MYO10: variants seen among roughly 807,000 people sequenced by gnomAD.
MYO10 encodes the protein myosin X.
A neutral mutation model predicts 257.3 loss-of-function variants in MYO10; 133 were observed. The observed-to-expected ratio is 0.52, with a 90% CI of 0.45 to 0.60. The LOEUF is 0.60. Ranked by LOEUF, MYO10 falls within the 20% of genes least tolerant of loss-of-function variation. The pLI, the probability that MYO10 is intolerant of heterozygous loss-of-function variation, is 0.00. For missense variants in MYO10, 2,399 were observed against 2,635.7 expected (o/e 0.91, Z 1.97); for synonymous variants, 1,104 against 1,028.6 (o/e 1.07, Z -1.40).
At chr5:16,764,130 G>A in intron 12 of MYO10, 120 bp downstream of exon 12, 2 of 1,150,404 alleles carry the variant, frequency 1.7e-6, no homozygotes, top group South Asian at 1.5e-5. Context: ...CTGGGATACA[G>A]AGTGAGACTC....
intron 1 of MYO10, among the ~76,000 whole-genome samples, chr5:16,915,475 T>C (rs1163998567): frequency 6.6e-6 from 1 of 152,234 alleles, no homozygotes; most frequent in Admixed American, 6.5e-5. Flanking sequence ...TCGTACTTCC[T>C]TGGTGTCCTC....
intron 1 of MYO10, among the ~76,000 whole-genome samples, chr5:16,903,265 C>A (rs969247822): frequency 6.6e-6 from 1 of 152,162 alleles, no homozygotes; most frequent in East Asian, 1.9e-4. Context: ...ATTAGCTGGG[C>A]GTGGTAGCGC....
At chr5:16,748,476 C>T (rs1342763947) in intron 19 of MYO10, among the ~76,000 whole-genome samples, 2 of 151,598 alleles carry the variant, frequency 1.3e-5, no homozygotes, top group African/African-American at 2.4e-5. Flanking sequence ...AACTCCTGGC[C>T]TCAAGTGATC....
chr5:16,744,291 G>T (rs1213102808), intron 19 of MYO10, among the ~76,000 whole-genome samples: 1 of 152,168 alleles, frequency 6.6e-6, no homozygotes, highest in Non-Finnish European at 1.5e-5. Flanking sequence ...ATGTCCCCAT[G>T]ACCTCACTTA....
At chr5:16,691,988 G>A (rs1266159795) in intron 27 of MYO10, among the ~76,000 whole-genome samples, 2 of 152,300 alleles carry the variant, frequency 1.3e-5, no homozygotes, top group African/African-American at 4.8e-5. Flanking sequence ...AAGAAAGGCA[G>A]AGGGGCATCT....
intron 1 of MYO10, among the ~76,000 whole-genome samples, chr5:16,933,697 A>G (rs946665737): frequency 6.6e-6 from 1 of 152,222 alleles, no homozygotes; most frequent in African/African-American, 2.4e-5. Flanking sequence ...CCATTACAAG[A>G]CATGAGAGAG....
At chr5:16,688,299 C>G (rs908753107) in intron 28 of MYO10, among the ~76,000 whole-genome samples, 4 of 152,124 alleles carry the variant, frequency 2.6e-5, no homozygotes, top group Non-Finnish European at 5.9e-5. Flanking sequence ...TGTCTTTACC[C>G]TTAATGTTGC....
chr5:16,699,580 C>A lies in MYO10; in HGVS notation c.3433-7G>T, dbSNP rs548513090. ...CCTCTTCACTATCTTCAAACTGGACCGAGAGAGAGAAGCCAACGGTGAGGG... is the reference window on the plus strand; with the variant it reads ...CCTCTTCACTATCTTCAAACTGGACAGAGAGAGAGAAGCCAACGGTGAGGG... On this transcript the variant is annotated splice_polypyrimidine_tract_variant and splice_region_variant and intron_variant, in intron 25 of 40. Transcript: ENST00000513610. 9 of 1,612,942 alleles carry A rather than the reference C, an allele frequency of 5.6e-6. No individual in the cohort carries two copies. In the South Asian group the frequency reaches 9.9e-5, roughly 18 times the overall value.
At chr5:16,667,479 T>G (rs1736227726) in intron 40 of MYO10, among the ~76,000 whole-genome samples, 1 of 152,204 alleles carries the variant, frequency 6.6e-6, no homozygotes, top group African/African-American at 2.4e-5. Context: ...AATTCACTGT[T>G]ATGCCATGCA....
In MYO10 at chr5:16,701,221, C is replaced by G. The variant is rs1313422153; in HGVS notation, c.3174G>C (p.Gln1058His). Residue 1058 changes from glutamine to histidine, a missense_variant, in exon 25 of 41, where the codon CAG (glutamine) becomes CAC (histidine). Gln to His is a conservative substitution (Grantham distance 24). Transcript: ENST00000513610. The surrounding 1 kb of genome is among the most constrained non-coding windows in gnomAD (Gnocchi z 8.1). ...DSTVLLAPSVQDSGSLHNSSS... is the reference protein window; with the variant it reads ...DSTVLLAPSVHDSGSLHNSSS... ...AGGAGTTGTGTAGGCTCCCGGAGTC[C>G]TGCACTGATGGGGCGAGCAGCACCG... 7 of 1,612,302 alleles carry G rather than the reference C, an allele frequency of 4.3e-6. No homozygotes were observed. The highest frequency in any genetic ancestry group is 2.7e-5 in the African/African-American group (2 of 74,910).
intron 2 of MYO10, among the ~76,000 whole-genome samples, chr5:16,844,069 C>G (rs561528615): frequency 6.6e-6 from 1 of 152,356 alleles, no homozygotes; most frequent in South Asian, 2.1e-4. Context: ...CAGCTGCTGA[C>G]TAGCAACAAA....
At chr5:16,766,846 T>G (rs1279273851) in intron 10 of MYO10, among the ~76,000 whole-genome samples, 1 of 148,616 alleles carries the variant, frequency 6.7e-6, no homozygotes, top group South Asian at 2.1e-4. Context: ...CTCAGCTCAC[T>G]GCAACCTCCG....
chr5:16,911,989 C>T (rs1020030489), intron 1 of MYO10, among the ~76,000 whole-genome samples: 1 of 152,052 alleles, frequency 6.6e-6, no homozygotes, highest in African/African-American at 2.4e-5. Context: ...GAGCCAAGAT[C>T]ATGCCATTGC....
chr5:16,887,880 C>G (rs1178176770), intron 1 of MYO10, among the ~76,000 whole-genome samples: 4 of 152,212 alleles, frequency 2.6e-5, no homozygotes, highest in Admixed American at 2.0e-4. Context: ...CTACAGTGAC[C>G]AGAAATAGTC....
Position 16,668,384 on chromosome 5 carries a change from G to A in MYO10, c.5968C>T (p.Pro1990Ser). The change falls in exon 40 of 41, where the codon CCA (proline) becomes TCA (serine). Residue 1990 changes from proline (P) to serine (S), a missense_variant. Around this residue, in one of 3 missense-constraint regions of MYO10, gnomAD observed 1,820 missense variants for 1,939.4 expected, o/e 0.94. Transcript: ENST00000513610. ...VSVYKRGEGR[P>S]LEVFQYEHIL... ...TGTTCATACTGGAAGACTTCCAGTG[G>A]TCTTCCCTCTCCACGCTTGTAGACG... 1.2e-6 allele frequency: 2 copies of A among 1,613,968 alleles called. No individual in the cohort carries two copies. Among genetic ancestry groups the A allele is most frequent in the East Asian group, 2.2e-5 (1 of 44,874 alleles).
At chr5:16,882,028 G>C (rs1351149285) in intron 1 of MYO10, among the ~76,000 whole-genome samples, 1 of 152,138 alleles carries the variant, frequency 6.6e-6, no homozygotes, top group Non-Finnish European at 1.5e-5. Flanking sequence ...ACGTGGACAA[G>C]TTTGCATCTT....
intron 1 of MYO10, among the ~76,000 whole-genome samples, chr5:16,895,254 T>G (rs1745183884): frequency 6.6e-6 from 1 of 152,222 alleles, no homozygotes; most frequent in Admixed American, 6.5e-5. Flanking sequence ...AAGATCTCCC[T>G]CAGGGGAATC....
At chr5:16,789,046 G>A (rs1388207670) in intron 4 of MYO10, among the ~76,000 whole-genome samples, 2 of 152,134 alleles carry the variant, frequency 1.3e-5, no homozygotes, top group African/African-American at 2.4e-5. Flanking sequence ...TTGGTGCACA[G>A]GACACGCTAG....
intron 1 of MYO10, among the ~76,000 whole-genome samples, chr5:16,891,245 A>T (rs2126774339): frequency 6.6e-6 from 1 of 151,674 alleles, no homozygotes; most frequent in Non-Finnish European, 1.5e-5. Context: ...CAGGAAGTCA[A>T]GATTGTGCCA....
Sources: gnomAD v4.1 joint callset for allele counts (sites outside exome capture counted in the v4.1 genomes callset) on GRCh38, gnomAD v4.1.1 for gene constraint, gnomAD v4.1.1 regional missense constraint, Gnocchi (gnomAD v3.1) non-coding constraint, MANE v1.5 for transcripts, NCBI Gene and HGNC (gene_info 2026-07-23, HGNC 2026-07-21) for gene names.